Variants in VPS33A observed in about 807,000 individuals in gnomAD.
The protein encoded by VPS33A is VPS33A core subunit of CORVET and HOPS complexes.
Under a neutral mutation model 71.8 loss-of-function variants are expected in VPS33A, and 32 were observed. The observed-to-expected ratio is 0.45, with a 90% confidence interval of 0.34 to 0.60. The LOEUF (loss-of-function observed/expected upper bound fraction) is 0.60. Ranked by LOEUF, VPS33A falls within the 20% of genes least tolerant of loss-of-function variation. VPS33A has a pLI of 0.02. For missense variants in VPS33A, 625 were observed against 748.5 expected, an observed-to-expected ratio of 0.84 and a Z score of 1.92; for synonymous variants, 311 against 292.7, an observed-to-expected ratio of 1.06 and a Z score of -0.64.
intron 4 of VPS33A, among the ~76,000 whole-genome samples, chr12:122,255,349 G>A (rs747476001): frequency 5.3e-5 from 8 of 152,254 alleles, no homozygotes; most frequent in Admixed American, 1.3e-4. Context: ...AATGTTAGAA[G>A]GAAATCTATA....
At chr12:122,262,292 G>A (rs905913644) in intron 3 of VPS33A, among the ~76,000 whole-genome samples, 1 of 152,252 alleles carries the variant, frequency 6.6e-6, no homozygotes, top group East Asian at 1.9e-4. Flanking sequence ...GAGTCCTGGC[G>A]AGTACATTTT....
At position 122,232,310 on chromosome 12, in the gene VPS33A, A is replaced by G. The variant is rs1566035478; in HGVS notation, c.1727T>C (p.Ile576Thr). 3 of 1,614,174 alleles carry G rather than the reference A, an allele frequency of 1.9e-6. No individual in the cohort carries two copies. The highest frequency in any genetic ancestry group is 1.1e-5 in the South Asian group (1 of 91,078). Residue 576 changes from isoleucine to threonine, a missense_variant, in exon 13 of 13, where the codon ATT (isoleucine) becomes ACT (threonine). Physicochemically the swap from Ile to Thr is moderately conservative, Grantham distance 89. Transcript: ENST00000267199. ...QLEDGGTEYV[I>T]ATTKLMNGTS... ...TCCATTCATTAGTTTAGTGGTGGCA[A>G]TGACATATTCTGTACCTCCATCTTC...
rs1385909151 is a variant in VPS33A, at chr12:122,231,970, T to A, written c.*276A>T. ...TACTCAGGAGGCTGAGGCAGGAGAATTGCTTGAACCTAGGAGGTGGAGGTT... is the reference window on the plus strand; with the variant it reads ...TACTCAGGAGGCTGAGGCAGGAGAAATGCTTGAACCTAGGAGGTGGAGGTT... On this transcript the variant is annotated 3_prime_UTR_variant, in exon 13 of 13. Transcript: ENST00000267199. 1 of 406,900 alleles carries A rather than the reference T, an allele frequency of 2.5e-6. No individual in the cohort carries two copies. The highest frequency in any genetic ancestry group is 4.3e-6 in the Non-Finnish European group (1 of 232,072). The allele number at this position is 406,900 out of a possible 1,614,324, so 25.2% of individuals were successfully genotyped here. A position where few individuals can be genotyped will look rare whatever the true frequency, so the allele number is the denominator to read the frequency against.
chr12:122,250,070 T>G lies in VPS33A; in HGVS notation c.601-25A>C, dbSNP rs1462392178. ...GCTGGAAACAAAACATTGGATGAGG[T>G]GGGGCCCCCCTGGGAACAAGCAGAT... On this transcript the variant is annotated intron_variant, in intron 5 of 12. Transcript: ENST00000267199. 1.9e-6 allele frequency: 3 copies of G among 1,576,074 alleles called. No individual in the cohort carries two copies. In the African/African-American group the frequency reaches 4.1e-5, roughly 21 times the overall value.
intron 1 of VPS33A, 111 bp from the exon 2 acceptor site, chr12:122,264,310 A>G: frequency 1.4e-6 from 1 of 733,078 alleles, no homozygotes; most frequent in East Asian, 2.9e-5. Context: ...CTGAGTTAAA[A>G]AATTTTATCC....
chr12:122,249,085 CTTAG>C (rs1191434827), intron 6 of VPS33A: 2 of 152,142 alleles, frequency 1.3e-5, no homozygotes, highest in East Asian at 1.9e-4. Flanking sequence ...TTACGGTATT[CTTAG>C]TTATTTTTTA....
At chr12:122,265,146 T>C (rs1445998797) in intron 1 of VPS33A, among the ~76,000 whole-genome samples, 1 of 152,050 alleles carries the variant, frequency 6.6e-6, no homozygotes, top group Non-Finnish European at 1.5e-5. Context: ...TCTCCAACTC[T>C]GGGCTCAAGC....
At chr12:122,233,703 C>T (rs773917186) in intron 11 of VPS33A, among the ~76,000 whole-genome samples, 3 of 152,120 alleles carry the variant, frequency 2.0e-5, no homozygotes, top group Non-Finnish European at 4.4e-5. Flanking sequence ...ACAGTAAAGA[C>T]TGGAAACAAC....
chr12:122,232,937 C>T lies in VPS33A; in HGVS notation c.1472G>A (p.Gly491Glu). Residue 491 changes from glycine (G) to glutamate (E), a missense_variant, in exon 12 of 13, where the codon GGG (glycine) becomes GAG (glutamate). Transcript: ENST00000267199. ...CAGCCGCACACTGAGCGGGGCATAC[C>T]CACTGTACACATACGATATGTCCGT... Reference protein sequence around the residue: ...NPTDISYVYSGYAPLSVRLAQ... With the variant: ...NPTDISYVYSEYAPLSVRLAQ... The T allele has an allele frequency of 6.2e-7, 1 of 1,613,534 alleles. No homozygotes were observed. The highest frequency in any genetic ancestry group is 8.5e-7 in the Non-Finnish European group (1 of 1,179,858).
rs376730683 is a variant in VPS33A, at chr12:122,250,060, T to C, written c.601-15A>G. 28 of 1,593,562 alleles carry C rather than the reference T, an allele frequency of 1.8e-5. No individual in the cohort carries two copies. The highest frequency in any genetic ancestry group is 9.0e-5 in the East Asian group (4 of 44,310). On this transcript the variant is annotated splice_polypyrimidine_tract_variant and intron_variant, in intron 5 of 12. Coordinates refer to ENST00000267199, the MANE Select transcript of VPS33A (RefSeq NM_022916.6). ...TTGGCCACTTGCTGGAAACAAAACA[T>C]TGGATGAGGTGGGGCCCCCCTGGGA...
At chr12:122,238,803 AC>A (rs1954667270) in intron 9 of VPS33A, 79 bp from the exon 10 acceptor site, 33 of 1,058,280 alleles carry the variant, frequency 3.1e-5, no homozygotes, top group South Asian at 2.8e-4. Context: ...ACACACACAC[AC>A]ACAATACATG....
At chr12:122,257,707 T>C (rs996012948) in intron 4 of VPS33A, among the ~76,000 whole-genome samples, 4 of 151,006 alleles carry the variant, frequency 2.6e-5, no homozygotes, top group Non-Finnish European at 5.9e-5. Context: ...GTCTGCAGAG[T>C]GGAAGATTTA....
intron 8 of VPS33A, among the ~76,000 whole-genome samples, chr12:122,240,216 T>C (rs1954694379): frequency 6.6e-6 from 1 of 152,072 alleles, no homozygotes; most frequent in Non-Finnish European, 1.5e-5. Flanking sequence ...TAGTCCCAGC[T>C]ACTCGGGAGG....
intron 9 of VPS33A, among the ~76,000 whole-genome samples, 199 bp downstream of exon 9, chr12:122,239,679 A>C (rs1039627648): frequency 1.0e-4 from 15 of 144,276 alleles, no homozygotes; most frequent in Middle Eastern, 3.4e-3. Context: ...TGCAGTGAGC[A>C]GAGATGGCGC....
At chr12:122,259,415 C>A (rs563003717) in intron 4 of VPS33A, among the ~76,000 whole-genome samples, 5 of 152,012 alleles carry the variant, frequency 3.3e-5, no homozygotes, top group Non-Finnish European at 7.4e-5. Context: ...GACGGGATTT[C>A]TCCATGTTGG....
chr12:122,241,249 T>C (rs1954710170), intron 8 of VPS33A: 1 of 152,184 alleles, frequency 6.6e-6, no homozygotes, highest in South Asian at 2.1e-4. Context: ...ATTTTTCATA[T>C]AAATGATAAT....
chr12:122,229,808 T>C lies in VPS33A; in HGVS notation c.*2438A>G, dbSNP rs945035557. Reference sequence around the variant, plus strand: ...TTCTATTTGCATACAAATGAAGCAATTGAAGTTTTTCAGTCTTCTGCTGAA... The same window carrying C: ...TTCTATTTGCATACAAATGAAGCAACTGAAGTTTTTCAGTCTTCTGCTGAA... On this transcript the variant is annotated 3_prime_UTR_variant, in exon 13 of 13. Transcript: ENST00000267199. The C allele has an allele frequency of 6.6e-6, 1 of 152,248 alleles. No individual in the cohort carries two copies. Among genetic ancestry groups the C allele is most frequent in the Admixed American group, 6.5e-5 (1 of 15,280 alleles). The allele number at this position is 152,248 out of a possible 1,614,324, so 9.4% of individuals were successfully genotyped here.
intron 7 of VPS33A, 147 bp downstream of exon 7, chr12:122,244,422 A>G: frequency 1.5e-6 from 1 of 658,384 alleles, no homozygotes; most frequent in East Asian, 2.7e-5. Context: ...GGATCTTCCA[A>G]TACTGAATCT....
chr12:122,241,323 C>A (rs568698302), intron 8 of VPS33A, among the ~76,000 whole-genome samples: 1 of 151,788 alleles, frequency 6.6e-6, no homozygotes, highest in East Asian at 1.9e-4. Flanking sequence ...TTCGTTATTT[C>A]GAGATGGAGT....
Sources: gnomAD v4.1 joint callset for allele counts (sites outside exome capture counted in the v4.1 genomes callset) on GRCh38, gnomAD v4.1.1 for gene constraint, MANE v1.5 for transcripts, NCBI Gene and HGNC (gene_info 2026-07-23, HGNC 2026-07-21) for gene names.